MOSPD2: variants seen among roughly 807,000 people sequenced by gnomAD.
The protein encoded by MOSPD2 is motile sperm domain containing 2.
A neutral mutation model predicts 41.7 loss-of-function variants in MOSPD2; 5 were observed. That is an observed-to-expected ratio of 0.12 (90% CI 0.06 to 0.25). The LOEUF is 0.25. MOSPD2 is among the 10% of genes least tolerant of loss of function. The pLI, the probability that MOSPD2 is intolerant of heterozygous loss-of-function variation, is 1.00. For missense variants in MOSPD2, 282 were observed against 375.2 expected, an observed-to-expected ratio of 0.75 and a Z score of 2.05; for synonymous variants, 115 against 126.9, an observed-to-expected ratio of 0.91 and a Z score of 0.63.
intron 3 of MOSPD2, among the ~76,000 whole-genome samples, chrX:14,893,592 G>T (rs1431306643): frequency 8.9e-6 from 1 of 111,948 alleles, no homozygotes; most frequent in African/African-American, 3.2e-5. Flanking sequence ...TTTCAGTTAG[G>T]CATAAAGCAG....
At chrX:14,888,826 T>G (rs2092547971) in intron 2 of MOSPD2, among the ~76,000 whole-genome samples, 1 of 110,414 alleles carries the variant, frequency 9.1e-6, no homozygotes, top group Admixed American at 9.7e-5. Context: ...TAGATAATCT[T>G]TTGGGTGTAC....
chrX:14,888,866 C>G (rs766348995), intron 2 of MOSPD2, among the ~76,000 whole-genome samples: 2 of 111,029 alleles, frequency 1.8e-5, no homozygotes, highest in East Asian at 5.7e-4. Context: ...AACATCTTGT[C>G]TTAGTCCGTT....
intron 13 of MOSPD2, 101 bp from the exon 14 acceptor site, chrX:14,918,579 C>A: frequency 1.8e-6 from 1 of 541,411 alleles, no homozygotes. Context: ...ACTTTTACCT[C>A]TGTTACATAG....
chrX:14,885,773 A>G (rs1480172977), intron 2 of MOSPD2, among the ~76,000 whole-genome samples: 1 of 111,703 alleles, frequency 9.0e-6, no homozygotes, highest in Non-Finnish European at 1.9e-5. Flanking sequence ...TATTAAAAAA[A>G]AAACTGAAGC....
chrX:14,920,461 C>G lies in MOSPD2; in HGVS notation c.*652C>G, dbSNP rs192860070. The G allele has an allele frequency of 2.5e-3, 1,852 of 752,272 alleles. 1 individual carries two copies. Among genetic ancestry groups the G allele is most frequent in the Non-Finnish European group, 2.8e-3 (1,791 of 638,958 alleles). The allele number at this position is 752,272 out of a possible 1,213,427, so 62.0% of individuals were successfully genotyped here. A position where few individuals can be genotyped will look rare whatever the true frequency, so the allele number is the denominator to read the frequency against. On this transcript the variant is annotated 3_prime_UTR_variant, in exon 15 of 15. Coordinates refer to ENST00000380492, the MANE Select transcript of MOSPD2 (RefSeq NM_152581.4). ...TTAATCTCAGGCTTTTTTATGAACA[C>G]TCTCATTTCAGTAGAATTTGGAAAA...
chrX:14,921,475 G>C lies in MOSPD2; in HGVS notation c.*1666G>C. 1.2e-6 allele frequency: 1 copy of C among 867,839 alleles called. No homozygotes were observed. The highest frequency in any genetic ancestry group is 4.2e-5 in the East Asian group (1 of 23,696). 71.5% of individuals were successfully genotyped at this position (867,839 alleles called of 1,213,427 possible). ...GTGCACAGTGGCTTCCCCTTACATG[G>C]TAGATTTTTGGCCTTAATATAATCT... On this transcript the variant is annotated 3_prime_UTR_variant, in exon 15 of 15. Coordinates refer to ENST00000380492, the MANE Select transcript of MOSPD2 (RefSeq NM_152581.4).
At chrX:14,894,703 C>T (rs1433158034) in intron 3 of MOSPD2, among the ~76,000 whole-genome samples, 2 of 110,642 alleles carry the variant, frequency 1.8e-5, no homozygotes. Context: ...ATGATACTCC[C>T]GTGTTGGCCT....
rs983962072 is a variant in MOSPD2 at position 14,876,078 on chromosome X, A to G, written c.79+2320A>G. 3.6e-5 allele frequency among the ~76,000 whole-genome samples: 4 copies of G among 112,327 alleles called. No individual in the cohort carries two copies. The Admixed American group carries it at 3.8e-4, about 11-fold the overall frequency. ...GATTGGTCCAATTTTAAAGATTTGC[A>G]TGGAAAAAGAAAATAGAAGCCTTTG... On this transcript the variant is annotated intron_variant, in intron 2 of 14. Transcript: ENST00000380492.
At chrX:14,883,584 A>ATTAG (rs1317263231) in intron 2 of MOSPD2, among the ~76,000 whole-genome samples, 11 of 112,098 alleles carry the variant, frequency 9.8e-5, no homozygotes, top group African/African-American at 3.6e-4. Context: ...AGATACTAGT[A>ATTAG]CTTACTAGCT....
At chrX:14,891,576 ATT>A (rs1302415831) in intron 2 of MOSPD2, among the ~76,000 whole-genome samples, 1 of 90,558 alleles carries the variant, frequency 1.1e-5, no homozygotes. Context: ...TTATTTATTT[ATT>A]TTTTTTTTTA....
intron 2 of MOSPD2, among the ~76,000 whole-genome samples, chrX:14,889,875 G>A (rs1311084902): frequency 3.6e-5 from 4 of 111,425 alleles, no homozygotes; most frequent in African/African-American, 1.3e-4. Context: ...AGCAGTGGTG[G>A]TAAAAATGAC....
At chrX:14,917,550 G>C (rs1408398545) in intron 13 of MOSPD2, among the ~76,000 whole-genome samples, 1 of 111,871 alleles carries the variant, frequency 8.9e-6, no homozygotes, top group African/African-American at 3.3e-5. Flanking sequence ...GTAGAAACTA[G>C]ACGGTGGGCA....
intron 2 of MOSPD2, among the ~76,000 whole-genome samples, chrX:14,886,632 C>T (rs777881505): frequency 9.1e-6 from 1 of 110,061 alleles, no homozygotes; most frequent in African/African-American, 3.3e-5. Flanking sequence ...TAGATATTTG[C>T]CATCTGGGCC....
rs1014033653 is a variant in MOSPD2 at position 14,915,849 on chromosome X, T to C, written c.1186+85T>C. The C allele has an allele frequency of 8.6e-5, 69 of 800,534 alleles. No homozygotes were observed. The Middle Eastern group carries it at 2.5e-3, about 29-fold the overall frequency. The allele number at this position is 800,534 out of a possible 1,213,427, so 66.0% of individuals were successfully genotyped here. ...GACCTTGGCTCTGAGTCAGCAGAGA[T>C]GTCAGGCTAGAATCTAGAAATTAGC... On this transcript the variant is annotated intron_variant, in intron 12 of 14. Transcript: ENST00000380492.
chrX:14,908,174 C>A (rs2092585457), intron 7 of MOSPD2, among the ~76,000 whole-genome samples: 1 of 111,394 alleles, frequency 9.0e-6, no homozygotes, highest in African/African-American at 3.3e-5. Context: ...CATGACAGAA[C>A]AAGATTGTAA....
At chrX:14,914,176 A>G (rs1303804629) in intron 10 of MOSPD2, among the ~76,000 whole-genome samples, 3 of 111,734 alleles carry the variant, frequency 2.7e-5, no homozygotes, top group African/African-American at 6.5e-5. Context: ...TTTATTATCT[A>G]TAACCTTCCA....
intron 3 of MOSPD2, among the ~76,000 whole-genome samples, chrX:14,893,519 ATGAAGACC>A (rs1438376463): frequency 8.9e-6 from 1 of 111,956 alleles, no homozygotes. Flanking sequence ...CTTCAAGTAT[ATGAAGACC>A]TGTTAGTTCT....
intron 5 of MOSPD2, among the ~76,000 whole-genome samples, chrX:14,899,012 T>C (rs1182574355): frequency 1.8e-5 from 2 of 109,526 alleles, no homozygotes; most frequent in African/African-American, 6.5e-5. Flanking sequence ...AGTTTGGCTC[T>C]AAGCTTTCAG....
At chrX:14,884,649 T>G (rs2092537871) in intron 2 of MOSPD2, among the ~76,000 whole-genome samples, 1 of 111,687 alleles carries the variant, frequency 9.0e-6, no homozygotes, top group South Asian at 3.7e-4. Flanking sequence ...GATATCAGAT[T>G]AGATTTTTAA....
Sources: gnomAD v4.1 joint callset for allele counts (sites outside exome capture counted in the v4.1 genomes callset) on GRCh38, gnomAD v4.1.1 for gene constraint, MANE v1.5 for transcripts, NCBI Gene and HGNC (gene_info 2026-07-23, HGNC 2026-07-21) for gene names.